Variants in ABI1 observed in about 807,000 individuals in gnomAD.
ABI1 encodes the protein Abelson interactor 1.
In ABI1, 14 loss-of-function variants were observed where a neutral mutation model predicts 54.6. The observed-to-expected ratio is 0.26, with a 90% CI of 0.17 to 0.40. The LOEUF (loss-of-function observed/expected upper bound fraction) is 0.40. Among genes scored for constraint, ABI1 ranks in the 10% least tolerant of loss-of-function variants. The probability of loss-of-function intolerance (pLI) is 1.00; values close to 1 mark genes in which losing one functional copy is unlikely to be tolerated. For missense variants in ABI1, 443 were observed against 598.3 expected, an observed-to-expected ratio of 0.74 and a Z score of 2.71; for synonymous variants, 194 against 209.3, an observed-to-expected ratio of 0.93 and a Z score of 0.63.
At chr10:26,816,986 TTG>T (rs71403891) in intron 2 of ABI1, among the ~76,000 whole-genome samples, 4,623 of 143,804 alleles carry the variant, frequency 0.032, 84 homozygotes, top group African/African-American at 0.052. Context: ...TGCAAAGACT[TTG>T]TGTGTGTGTG....
intron 1 of ABI1, among the ~76,000 whole-genome samples, chr10:26,858,338 C>G (rs954801568): frequency 1.3e-5 from 2 of 152,096 alleles, no homozygotes; most frequent in Non-Finnish European, 2.9e-5. Flanking sequence ...TTCCACATCA[C>G]TTTCTGAGCC....
At chr10:26,841,717 T>C (rs1414616241) in intron 1 of ABI1, among the ~76,000 whole-genome samples, 2 of 152,162 alleles carry the variant, frequency 1.3e-5, no homozygotes, top group South Asian at 4.1e-4. Context: ...TCTGGCTTAT[T>C]TCACTCAGCA....
chr10:26,752,906 T>C (rs938795989), intron 9 of ABI1, among the ~76,000 whole-genome samples: 2 of 152,122 alleles, frequency 1.3e-5, no homozygotes, highest in African/African-American at 4.8e-5. Context: ...TTCATACAAA[T>C]TGATACAGGA....
rs117673869 is a variant in ABI1, at chr10:26,785,441, G to T, written c.286-8200C>A. Among the ~76,000 whole-genome samples, 542 of 152,310 alleles carry T rather than the reference G, an allele frequency of 3.6e-3. 5 individuals are homozygous for T. The highest frequency in any genetic ancestry group is 0.029 in the East Asian group (150 of 5,178). ...TAGTACAATAAAGATATCATCTCCA[G>T]TTGGGTGTGGTGGCTCATGCCTGTA... On this transcript the variant is annotated intron_variant, in intron 2 of 10. Coordinates refer to ENST00000376140, the MANE Select transcript of ABI1 (RefSeq NM_001012750.3).
rs978004958 is a variant in ABI1, at chr10:26,860,446, G to A, written c.117+301C>T. On this transcript the variant is annotated intron_variant, in intron 1 of 10. Coordinates refer to ENST00000376140, the MANE Select transcript of ABI1 (RefSeq NM_001012750.3). The surrounding 1 kb of genome is among the most constrained non-coding windows in gnomAD (Gnocchi z 4.1). ...GCGACCCCGGTGGCCGGGCCCTGGG[G>A]GAAGCGGACGCGAGGGGGGCGCCGG... Among the ~76,000 whole-genome samples, 7 of 152,290 alleles carry A rather than the reference G, an allele frequency of 4.6e-5. No individual in the cohort carries two copies. The highest frequency in any genetic ancestry group is 7.4e-5 in the Non-Finnish European group (5 of 68,010).
At chr10:26,766,021 T>C (rs1375157178) in intron 6 of ABI1, among the ~76,000 whole-genome samples, 3 of 152,116 alleles carry the variant, frequency 2.0e-5, no homozygotes, top group Non-Finnish European at 4.4e-5. Context: ...GAAAAGGTAA[T>C]GTAATAGATA....
chr10:26,763,901 G>A (rs139609364), intron 7 of ABI1: 2 of 1,613,124 alleles, frequency 1.2e-6, no homozygotes, highest in African/African-American at 2.7e-5. Context: ...CTCACTGGGA[G>A]AAGTGGTGCC....
At chr10:26,847,105 ATAAC>A (rs2050041152) in intron 1 of ABI1, among the ~76,000 whole-genome samples, 1 of 152,216 alleles carries the variant, frequency 6.6e-6, no homozygotes, top group South Asian at 2.1e-4. Flanking sequence ...AAGTCGCAGA[ATAAC>A]TGAGTATGTG....
chr10:26,752,339 G>A (rs1047752684), intron 9 of ABI1, among the ~76,000 whole-genome samples: 4 of 152,118 alleles, frequency 2.6e-5, no homozygotes, highest in African/African-American at 9.7e-5. Context: ...GTCTGCTTCT[G>A]TGTGCAGATT....
chr10:26,749,601 C>G (rs978611027), intron 10 of ABI1, among the ~76,000 whole-genome samples: 1 of 152,108 alleles, frequency 6.6e-6, no homozygotes, highest in Non-Finnish European at 1.5e-5. Context: ...TTTCCACTTG[C>G]GGCATCATGT....
intron 2 of ABI1, among the ~76,000 whole-genome samples, chr10:26,793,779 C>A (rs1475787645): frequency 2.0e-5 from 3 of 152,200 alleles, no homozygotes; most frequent in African/African-American, 7.2e-5. Context: ...AGCACCAGGT[C>A]ATGAATTTGA....
intron 1 of ABI1, among the ~76,000 whole-genome samples, chr10:26,826,305 C>T (rs901535205): frequency 3.3e-5 from 5 of 152,136 alleles, no homozygotes; most frequent in African/African-American, 1.2e-4. Flanking sequence ...TGTCAATGAG[C>T]AGTAATATTT....
intron 1 of ABI1, among the ~76,000 whole-genome samples, chr10:26,832,353 C>T (rs1013561980): frequency 4.6e-5 from 7 of 152,200 alleles, no homozygotes; most frequent in South Asian, 2.1e-4. Context: ...GAGGCCAAGG[C>T]GGGCGGATCA....
At chr10:26,840,541 A>C (rs1357137102) in intron 1 of ABI1, among the ~76,000 whole-genome samples, 1 of 152,184 alleles carries the variant, frequency 6.6e-6, no homozygotes, top group East Asian at 1.9e-4. Flanking sequence ...CATTAATCAC[A>C]TTTTCCAAAT....
intron 2 of ABI1, among the ~76,000 whole-genome samples, chr10:26,787,335 A>C (rs1842832575): frequency 6.6e-6 from 1 of 152,224 alleles, no homozygotes; most frequent in African/African-American, 2.4e-5. Flanking sequence ...AAATTAATTC[A>C]AAATGTCTTG....
intron 1 of ABI1, among the ~76,000 whole-genome samples, chr10:26,856,974 A>G (rs967559853): frequency 1.3e-5 from 2 of 152,172 alleles, no homozygotes; most frequent in African/African-American, 4.8e-5. Flanking sequence ...ATCTGGTCAT[A>G]GTAAAGGAAT....
chr10:26,804,101 G>A (rs2046730414), intron 2 of ABI1, among the ~76,000 whole-genome samples: 2 of 152,100 alleles, frequency 1.3e-5, no homozygotes, highest in Non-Finnish European at 2.9e-5. Flanking sequence ...ACAATAGATC[G>A]GCTGGGTGTG....
intron 1 of ABI1, among the ~76,000 whole-genome samples, chr10:26,859,099 A>G (rs2051089710): frequency 6.6e-6 from 1 of 152,232 alleles, no homozygotes; most frequent in African/African-American, 2.4e-5. Context: ...GATCACTTTT[A>G]TATTTGCAAA....
intron 1 of ABI1, among the ~76,000 whole-genome samples, chr10:26,845,368 C>T (rs974442704): frequency 2.0e-5 from 3 of 152,174 alleles, no homozygotes; most frequent in Non-Finnish European, 1.5e-5. Context: ...CAAAGCAGGG[C>T]ATGATGGCTC....
Sources: gnomAD v4.1 joint callset for allele counts (sites outside exome capture counted in the v4.1 genomes callset) on GRCh38, gnomAD v4.1.1 for gene constraint, Gnocchi (gnomAD v3.1) non-coding constraint, MANE v1.5 for transcripts, NCBI Gene and HGNC (gene_info 2026-07-23, HGNC 2026-07-21) for gene names.